The following MALRD1 variants were observed in gnomAD, a reference collection of about 807,000 sequenced individuals.
The protein encoded by MALRD1 is MAM and LDL-receptor class A domain-containing protein 1.
Under a neutral mutation model 242.1 loss-of-function variants are expected in MALRD1, and 247 were observed. The ratio of observed to expected loss-of-function variants is 1.02; its 90% CI spans 0.92 to 1.13. The LOEUF (loss-of-function observed/expected upper bound fraction) is 1.13, where lower values mean the gene tolerates loss of function less well. MALRD1 is among the 50% of genes most tolerant of loss of function. The probability of loss-of-function intolerance (pLI) is 0.00; values close to 1 mark genes in which losing one functional copy is unlikely to be tolerated. For synonymous variants in MALRD1, 995 were observed against 866.6 expected, an observed-to-expected ratio of 1.15 and a Z score of -2.60; for missense variants, 2,989 against 2,533.1, an observed-to-expected ratio of 1.18 and a Z score of -3.86.
chr10:19,262,704 A>G (rs1839806150), intron 19 of MALRD1, among the ~76,000 whole-genome samples: 1 of 151,674 alleles, frequency 6.6e-6, no homozygotes, highest in Non-Finnish European at 1.5e-5. Flanking sequence ...GCAATATTCA[A>G]CTGTACAATA....
rs144696874 is a variant in MALRD1 at position 19,167,274 on chromosome 10, A to G, written c.1830+1464A>G. Among the ~76,000 whole-genome samples the G allele has an allele frequency of 4.6e-3, 696 of 152,260 alleles. 7 individuals carry two copies. The highest frequency in any genetic ancestry group is 0.016 in the African/African-American group (672 of 41,568). ...CTCTGGAGGCTGAGGCAGGAGAAGCACTTGAACCTGGGAGGTGGAAGTTGC... is the reference window on the plus strand; with the variant it reads ...CTCTGGAGGCTGAGGCAGGAGAAGCGCTTGAACCTGGGAGGTGGAAGTTGC... On this transcript the variant is annotated intron_variant, in intron 13 of 39. Coordinates refer to ENST00000454679, the MANE Select transcript of MALRD1 (RefSeq NM_001142308.3).
intron 21 of MALRD1, among the ~76,000 whole-genome samples, chr10:19,302,232 A>T (rs779636264): frequency 2.6e-5 from 4 of 151,856 alleles, no homozygotes; most frequent in Non-Finnish European, 5.9e-5. Flanking sequence ...AAACAGAATT[A>T]TATGACTCAG....
In MALRD1 at chr10:19,441,101, T is replaced by C. The variant is rs563739914; in HGVS notation, c.4846-9206T>C. Among the ~76,000 whole-genome samples the C allele has an allele frequency of 1.7e-3, 253 of 152,322 alleles. 1 individual carries two copies. Among genetic ancestry groups the C allele is most frequent in the African/African-American group, 5.8e-3 (241 of 41,578 alleles). On this transcript the variant is annotated intron_variant, in intron 28 of 39. Coordinates refer to ENST00000454679, the MANE Select transcript of MALRD1 (RefSeq NM_001142308.3). Reference sequence around the variant, plus strand: ...GCATTTCTCTGATGGCCAGTGATGATGAGCATTTTTTCATATGTCTGTTGG... The same window carrying C: ...GCATTTCTCTGATGGCCAGTGATGACGAGCATTTTTTCATATGTCTGTTGG...
intron 18 of MALRD1, among the ~76,000 whole-genome samples, chr10:19,253,467 T>C (rs1430491183): frequency 1.3e-5 from 2 of 151,958 alleles, no homozygotes; most frequent in Non-Finnish European, 2.9e-5. Context: ...TTTCAACAAA[T>C]GTACAGTTGT....
At chr10:19,051,937 A>AG (rs2131198922) in intron 1 of MALRD1, 1 of 188,740 alleles carries the variant, frequency 5.3e-6, no homozygotes, top group African/African-American at 2.5e-5. Context: ...AAAAAAAAAA[A>AG]AAAAAAAAAA....
At chr10:19,433,149 CA>C (rs1834212884) in intron 28 of MALRD1, among the ~76,000 whole-genome samples, 1 of 152,134 alleles carries the variant, frequency 6.6e-6, no homozygotes, top group African/African-American at 2.4e-5. Flanking sequence ...ATCAGGTTAT[CA>C]TACCAGGGAA....
chr10:19,057,635 C>A (rs1834707242), intron 1 of MALRD1, among the ~76,000 whole-genome samples: 3 of 152,046 alleles, frequency 2.0e-5, no homozygotes. Context: ...CACAGATGTG[C>A]AGAAAAAAGA....
At chr10:19,060,802 C>T (rs950735506) in intron 1 of MALRD1, among the ~76,000 whole-genome samples, 1 of 152,148 alleles carries the variant, frequency 6.6e-6, no homozygotes, top group African/African-American at 2.4e-5. Context: ...AAGTTATCTA[C>T]CTTGAAGATT....
intron 36 of MALRD1, among the ~76,000 whole-genome samples, chr10:19,638,807 A>G (rs752731785): frequency 6.6e-6 from 1 of 152,208 alleles, no homozygotes; most frequent in Non-Finnish European, 1.5e-5. Context: ...ACTCCTAAGA[A>G]GGGAGCTCAG....
chr10:19,594,010 G>T (rs974008409), intron 33 of MALRD1, among the ~76,000 whole-genome samples: 1 of 152,164 alleles, frequency 6.6e-6, no homozygotes, highest in Non-Finnish European at 1.5e-5. Context: ...AACCATAGCG[G>T]ATCTCTATTT....
intron 28 of MALRD1, among the ~76,000 whole-genome samples, chr10:19,443,445 C>G (rs57260455): frequency 0.15 from 22,426 of 152,110 alleles, 1,956 homozygotes; most frequent in African/African-American, 0.25. Flanking sequence ...CCTGCTTTCT[C>G]TTGTGGGCAT....
chr10:19,673,285 G>A (rs945537225), intron 36 of MALRD1, among the ~76,000 whole-genome samples: 7 of 152,148 alleles, frequency 4.6e-5, no homozygotes, highest in African/African-American at 1.7e-4. Flanking sequence ...TTCTCAGGAG[G>A]CTGAGGCAGG....
chr10:19,203,074 T>G (rs961261843), intron 14 of MALRD1, among the ~76,000 whole-genome samples: 2 of 152,202 alleles, frequency 1.3e-5, no homozygotes, highest in African/African-American at 4.8e-5. Context: ...TATTATTACA[T>G]TACTAACATT....
At chr10:19,189,019 C>T (rs929030341) in intron 14 of MALRD1, among the ~76,000 whole-genome samples, 3 of 151,112 alleles carry the variant, frequency 2.0e-5, no homozygotes, top group South Asian at 2.1e-4. Context: ...AAACCTTTAA[C>T]GAAATGGACC....
chr10:19,359,254 T>C (rs904895919), intron 26 of MALRD1, among the ~76,000 whole-genome samples: 15 of 152,178 alleles, frequency 9.9e-5, no homozygotes, highest in African/African-American at 3.6e-4. Context: ...CTTCTTGGTT[T>C]TTAATATCCA....
intron 2 of MALRD1, among the ~76,000 whole-genome samples, chr10:19,074,099 G>T (rs1032439407): frequency 5.9e-5 from 9 of 152,110 alleles, no homozygotes; most frequent in African/African-American, 9.7e-5. Context: ...GGCTAACAGT[G>T]TATGTTGTGA....
intron 24 of MALRD1, among the ~76,000 whole-genome samples, chr10:19,347,026 G>A (rs771532211): frequency 1.1e-4 from 17 of 152,166 alleles, no homozygotes; most frequent in Admixed American, 3.9e-4. Context: ...ATATATAAAT[G>A]TATAAGGTAT....
chr10:19,329,264 C>A (rs1375339517), intron 23 of MALRD1, among the ~76,000 whole-genome samples: 3 of 152,184 alleles, frequency 2.0e-5, no homozygotes, highest in East Asian at 1.9e-4. Flanking sequence ...TAGTTAGGCA[C>A]ACTCTTCGTG....
intron 21 of MALRD1, among the ~76,000 whole-genome samples, chr10:19,284,204 G>C (rs1219193511): frequency 6.6e-6 from 1 of 151,368 alleles, no homozygotes; most frequent in African/African-American, 2.4e-5. Flanking sequence ...TGAAATGCAT[G>C]AATATTTTCT....
Sources: allele counts gnomAD v4.1 joint callset (sites outside exome capture counted in the v4.1 genomes callset), GRCh38; gene constraint gnomAD v4.1.1; transcripts MANE v1.5; gene names NCBI Gene and HGNC (gene_info 2026-07-23, HGNC 2026-07-21).